The following FRYL variants were observed in gnomAD, a reference collection of about 807,000 sequenced individuals.
FRYL encodes the protein FRY like transcription coactivator.
Under a neutral mutation model 351.2 loss-of-function variants are expected in FRYL, and 150 were observed. The observed-to-expected ratio is 0.43, with a 90% CI of 0.37 to 0.49. The LOEUF is 0.49. FRYL is among the 20% of genes least tolerant of loss of function. FRYL has a pLI of 0.00. For synonymous variants in FRYL, 1,153 were observed against 1,257.1 expected, an observed-to-expected ratio of 0.92 and a Z score of 1.75; for missense variants, 3,036 against 3,619.3, an observed-to-expected ratio of 0.84 and a Z score of 4.13.
chr4:48,556,427 T>C (rs186074224), intron 35 of FRYL, among the ~76,000 whole-genome samples: 6 of 152,336 alleles, frequency 3.9e-5, no homozygotes, highest in African/African-American at 1.2e-4. Context: ...CTTCGTTTCA[T>C]ATCTCTTACC....
At chr4:48,680,974 T>C in intron 3 of FRYL, 1 of 1,271,594 alleles carries the variant, frequency 7.9e-7, no homozygotes, top group Non-Finnish European at 1.0e-6. Flanking sequence ...ATGACAGAAA[T>C]TGGTTCCACC....
rs1042989156 is a variant in FRYL at position 48,654,041 on chromosome 4, C to A, written c.-80-19551G>T. On this transcript the variant is annotated intron_variant, in intron 3 of 63. Coordinates refer to ENST00000358350, the MANE Select transcript of FRYL (RefSeq NM_015030.2). ...AAAGCTTACAAGTTTATTATAAGTG[C>A]CCAGAAGGACACCCTCACCTTTCTT... The A allele has an allele frequency of 6.0e-5, 35 of 586,688 alleles. No individual in the cohort carries two copies. The African/African-American group carries it at 6.8e-4, about 11-fold the overall frequency. The allele number at this position is 586,688 out of a possible 1,614,324, so 36.3% of individuals were successfully genotyped here.
At position 48,696,547 on chromosome 4, in the gene FRYL, G is replaced by A. The variant is rs565061176; in HGVS notation, c.-203-11752C>T. ...AGTCAGCAGGTGGGGGGCAAGGAGAGGGAGAACACTAGGACAAATAGCTAA... is the reference window on the plus strand; with the variant it reads ...AGTCAGCAGGTGGGGGGCAAGGAGAAGGAGAACACTAGGACAAATAGCTAA... On this transcript the variant is annotated intron_variant, in intron 2 of 63. Coordinates refer to ENST00000358350, the MANE Select transcript of FRYL (RefSeq NM_015030.2). 2.6e-5 allele frequency among the ~76,000 whole-genome samples: 4 copies of A among 152,166 alleles called. No individual in the cohort carries two copies. The East Asian group carries it at 7.7e-4, about 29-fold the overall frequency.
intron 47 of FRYL, among the ~76,000 whole-genome samples, chr4:48,537,208 T>A (rs563459295): frequency 6.6e-6 from 1 of 152,212 alleles, no homozygotes; most frequent in East Asian, 1.9e-4. Context: ...ATTCTTACAT[T>A]CTTAAATAAT....
chr4:48,754,840 C>T (rs1263999815), intron 1 of FRYL, among the ~76,000 whole-genome samples: 1 of 152,088 alleles, frequency 6.6e-6, no homozygotes, highest in African/African-American at 2.4e-5. Context: ...TGGGGTTTCA[C>T]CATGTTGGCC....
intron 1 of FRYL, among the ~76,000 whole-genome samples, chr4:48,769,389 C>T (rs551334607): frequency 5.4e-4 from 83 of 152,302 alleles, no homozygotes; most frequent in African/African-American, 1.9e-3. Context: ...CAATACAATA[C>T]TACTAGAACA....
Position 48,582,643 on chromosome 4 carries a change from C to T in FRYL, c.1840G>A (p.Val614Ile). 1 of 1,614,054 alleles carries T rather than the reference C, an allele frequency of 6.2e-7. No individual in the cohort carries two copies. Among genetic ancestry groups the T allele is most frequent in the African/African-American group, 1.3e-5 (1 of 75,046 alleles). Residue 614 changes from valine to isoleucine, a missense_variant, in exon 20 of 64, where the codon GTT becomes ATT. Physicochemically the swap from Val to Ile is conservative, Grantham distance 29. Around this residue, in one of 7 missense-constraint regions of FRYL, gnomAD observed 492 missense variants for 551.5 expected, o/e 0.89. Transcript: ENST00000358350. ...ATAAAATAAACAAATCCTGAAAGAA[C>T]ATCCTCCCGCCAATCTGGAAAATCA... ...MLDFPDWRED[V>I]LSGFVYFIVR...
At chr4:48,522,449 C>A (rs1725099819) in intron 54 of FRYL, among the ~76,000 whole-genome samples, 1 of 152,200 alleles carries the variant, frequency 6.6e-6, no homozygotes, top group African/African-American at 2.4e-5. Context: ...GCTTTTCTTG[C>A]ACCCGTACTC....
rs760978262 is a variant in FRYL, at chr4:48,551,528, C to T, written c.4486G>A (p.Asp1496Asn). Residue 1496 changes from aspartate (D) to asparagine (N), a missense_variant, in exon 37 of 64, where the codon GAT becomes AAT. Transcript: ENST00000358350. ...ATATTCTCTTTAATGGGCTTATTAT[C>T]AGGATTGCCATCTGTGGGAGCTACC... ...TMVAPTDGNP[D>N]NKPIKENIEE... 7 of 1,611,592 alleles carry T rather than the reference C, an allele frequency of 4.3e-6. No homozygotes were observed. In the East Asian group the frequency reaches 1.6e-4, roughly 36 times the overall value.
chr4:48,548,220 A>C (rs762171950), intron 40 of FRYL, among the ~76,000 whole-genome samples: 3 of 152,208 alleles, frequency 2.0e-5, no homozygotes, highest in Admixed American at 6.5e-5. Context: ...TCCTATAAGC[A>C]TCAAATGTAT....
chr4:48,766,418 T>C (rs1336035305), intron 1 of FRYL, among the ~76,000 whole-genome samples: 2 of 152,146 alleles, frequency 1.3e-5, no homozygotes, highest in Non-Finnish European at 2.9e-5. Context: ...TTTGGAGACA[T>C]GCTGGTATAT....
intron 2 of FRYL, among the ~76,000 whole-genome samples, chr4:48,702,905 TA>T (rs11314875): frequency 0.97 from 148,290 of 152,158 alleles, 72,379 homozygotes; most frequent in East Asian, 1. Flanking sequence ...TATGTTGAGT[TA>T]AAAAAAATTA....
intron 33 of FRYL, among the ~76,000 whole-genome samples, chr4:48,558,802 A>G (rs1480281625): frequency 6.6e-6 from 1 of 152,224 alleles, no homozygotes; most frequent in South Asian, 2.1e-4. Context: ...TTTGCTGAAC[A>G]ATTACCAAAT....
chr4:48,690,634 G>A (rs1377906899), intron 2 of FRYL, among the ~76,000 whole-genome samples: 4 of 152,036 alleles, frequency 2.6e-5, no homozygotes, highest in African/African-American at 9.7e-5. Flanking sequence ...TCAGAGGAAG[G>A]GAACATGTGA....
chr4:48,779,513 G>C (rs1776403468), intron 1 of FRYL, among the ~76,000 whole-genome samples: 1 of 151,740 alleles, frequency 6.6e-6, no homozygotes, highest in Admixed American at 6.6e-5. Flanking sequence ...GGCGCGCTCC[G>C]CCGGTCCCCG....
At chr4:48,747,937 G>A (rs1191883511) in intron 1 of FRYL, among the ~76,000 whole-genome samples, 4 of 152,164 alleles carry the variant, frequency 2.6e-5, no homozygotes, top group African/African-American at 9.6e-5. Context: ...GTGTGAGGAT[G>A]GGCTTATTTA....
At chr4:48,619,230 C>T (rs1193126478) in intron 7 of FRYL, 44 bp downstream of exon 7, 1 of 1,239,862 alleles carries the variant, frequency 8.1e-7, no homozygotes, top group Non-Finnish European at 1.2e-6. Flanking sequence ...GCACAGTAAG[C>T]AAAGAATAAG....
chr4:48,690,413 G>C (rs1765579932), intron 2 of FRYL, among the ~76,000 whole-genome samples: 2 of 151,738 alleles, frequency 1.3e-5, no homozygotes, highest in Admixed American at 6.6e-5. Context: ...GCTTCATATG[G>C]AGACTTTCTT....
chr4:48,629,554 C>T (rs886386306), intron 4 of FRYL, among the ~76,000 whole-genome samples: 3 of 152,044 alleles, frequency 2.0e-5, no homozygotes, highest in African/African-American at 4.8e-5. Flanking sequence ...CATAACAAAA[C>T]GGAAAACAAC....
Sources: gnomAD v4.1 joint callset for allele counts (sites outside exome capture counted in the v4.1 genomes callset) on GRCh38, gnomAD v4.1.1 for gene constraint, gnomAD v4.1.1 regional missense constraint, MANE v1.5 for transcripts, NCBI Gene and HGNC (gene_info 2026-07-23, HGNC 2026-07-21) for gene names.